The following KDM4C variants were observed in gnomAD, a reference collection of about 807,000 sequenced individuals.
KDM4C encodes lysine demethylase 4C, also known as lysine-specific demethylase 4C.
A neutral mutation model predicts 129.3 loss-of-function variants in KDM4C; 81 were observed. The ratio of observed to expected loss-of-function variants is 0.63; its 90% CI spans 0.52 to 0.75. KDM4C has a LOEUF of 0.75. Ranked by LOEUF, KDM4C falls within the 30% of genes least tolerant of loss-of-function variation. The pLI, the probability that KDM4C is intolerant of heterozygous loss-of-function variation, is 0.00. For synonymous variants in KDM4C, 573 were observed against 456.1 expected, an observed-to-expected ratio of 1.26 and a Z score of -3.26; for missense variants, 1,457 against 1,304.0, an observed-to-expected ratio of 1.12 and a Z score of -1.81.
chr9:7,069,938 A>G (rs1016691263), intron 17 of KDM4C, among the ~76,000 whole-genome samples: 1 of 152,246 alleles, frequency 6.6e-6, no homozygotes, highest in Non-Finnish European at 1.5e-5. Context: ...GTAATTGGGT[A>G]TTATAAAGTG....
rs542427807 is a variant in KDM4C, at chr9:7,156,544, G to C, written c.2782-8694G>C. ...TAATTTTTATATAAGGTGTAAGGAA[G>C]GGATCCAGTTTCAGCTTTCTACATA... On this transcript the variant is annotated intron_variant, in intron 19 of 21. Coordinates refer to ENST00000381309, the MANE Select transcript of KDM4C (RefSeq NM_015061.6). 5.4e-4 allele frequency among the ~76,000 whole-genome samples: 82 copies of C among 152,302 alleles called. 1 individual carries two copies. Among genetic ancestry groups the C allele is most frequent in the African/African-American group, 1.7e-3 (70 of 41,566 alleles).
chr9:6,966,575 G>C (rs1354915779), intron 8 of KDM4C, among the ~76,000 whole-genome samples: 1 of 152,226 alleles, frequency 6.6e-6, no homozygotes, highest in Non-Finnish European at 1.5e-5. Flanking sequence ...TCTGTTTGTA[G>C]ATATGATTGT....
intron 15 of KDM4C, among the ~76,000 whole-genome samples, chr9:7,040,796 T>C (rs1263085499): frequency 2.0e-5 from 3 of 151,948 alleles, no homozygotes; most frequent in African/African-American, 4.8e-5. Flanking sequence ...TTTTTTTTTC[T>C]CTGATTTTAA....
At chr9:7,050,442 C>CAAAAAAAAAA (rs71500910) in intron 17 of KDM4C, among the ~76,000 whole-genome samples, 80 of 78,192 alleles carry the variant, frequency 1.0e-3, no homozygotes, top group East Asian at 2.5e-3. Context: ...CCCAGATTAC[C>CAAAAAAAAAA]AAAAAAAAAA....
intron 5 of KDM4C, among the ~76,000 whole-genome samples, chr9:6,857,291 C>G (rs1471106410): frequency 2.6e-5 from 4 of 152,214 alleles, no homozygotes; most frequent in Middle Eastern, 3.4e-3. Context: ...CAAACAAAAA[C>G]AAACCCCAAA....
At chr9:7,122,968 C>T (rs1195849099) in intron 18 of KDM4C, among the ~76,000 whole-genome samples, 2 of 152,174 alleles carry the variant, frequency 1.3e-5, no homozygotes, top group African/African-American at 4.8e-5. Flanking sequence ...ACTTTTCTGA[C>T]AGGAAATATT....
intron 17 of KDM4C, among the ~76,000 whole-genome samples, chr9:7,069,216 A>G (rs1037837718): frequency 1.3e-5 from 2 of 152,196 alleles, no homozygotes; most frequent in East Asian, 3.9e-4. Flanking sequence ...TACCATTACA[A>G]CAGTGAAATG....
intron 17 of KDM4C, among the ~76,000 whole-genome samples, chr9:7,074,430 G>A (rs1475013498): frequency 6.6e-6 from 1 of 152,146 alleles, no homozygotes; most frequent in Non-Finnish European, 1.5e-5. Flanking sequence ...GTCTGCCAAA[G>A]TCCTGGGATT....
intron 1 of KDM4C, among the ~76,000 whole-genome samples, chr9:6,759,640 T>C (rs1425123141): frequency 6.6e-6 from 1 of 152,166 alleles, no homozygotes; most frequent in Non-Finnish European, 1.5e-5. Flanking sequence ...TAACAGACTT[T>C]AGTCAGTTGC....
At position 7,098,609 on chromosome 9, in the gene KDM4C, C is replaced by G. The variant is rs551428136; in HGVS notation, c.2425-5076C>G. The stretch of plus-strand genomic sequence containing the variant: ...CTGCCTCTCACAAAACAGCCCAAAC[C>G]CTGTGGTGTCAGTGCACTGGGGACT... On this transcript the variant is annotated intron_variant, in intron 17 of 21. Transcript: ENST00000381309. Among the ~76,000 whole-genome samples, 8 of 152,324 alleles carry G rather than the reference C, an allele frequency of 5.3e-5. No homozygotes were observed. The South Asian group carries it at 1.5e-3, about 28-fold the overall frequency.
rs147334438 is a variant in KDM4C, at chr9:6,954,508, G to C, written c.922-26417G>C. On this transcript the variant is annotated intron_variant, in intron 8 of 21. Coordinates refer to ENST00000381309, the MANE Select transcript of KDM4C (RefSeq NM_015061.6). ...AGTCTCAGACATGATCTTTTTATTT[G>C]TCTGTTCACGATGTGTTAGCCTGGG... is the stretch of plus-strand genomic sequence containing the variant. Among the ~76,000 whole-genome samples, 838 of 152,140 alleles carry C rather than the reference G, an allele frequency of 5.5e-3. 16 individuals carry two copies. Among genetic ancestry groups the C allele is most frequent in the African/African-American group, 0.02 (817 of 41,518 alleles).
chr9:7,151,505 A>G (rs781369906), intron 19 of KDM4C, among the ~76,000 whole-genome samples: 2 of 151,938 alleles, frequency 1.3e-5, no homozygotes, highest in African/African-American at 4.8e-5. Flanking sequence ...GCAAGACCTC[A>G]TCTCTACTTT....
intron 19 of KDM4C, among the ~76,000 whole-genome samples, chr9:7,149,736 G>T (rs1343018878): frequency 1.3e-5 from 2 of 152,234 alleles, no homozygotes; most frequent in African/African-American, 4.8e-5. Context: ...GGTGATTATG[G>T]TCGATGGTGG....
chr9:6,739,225 T>A lies in KDM4C; in HGVS notation c.49+18228T>A, dbSNP rs116783237. Reference sequence around the variant, plus strand: ...GTAGCTGGGATTACAGGCGCCCACATCCATGCCCAGCTAATTTTTGTATTT... The same window carrying A: ...GTAGCTGGGATTACAGGCGCCCACAACCATGCCCAGCTAATTTTTGTATTT... On this transcript the variant is annotated intron_variant, in intron 1 of 17. Transcript: ENST00000536108. Among the ~76,000 whole-genome samples, 1,445 of 151,904 alleles carry A rather than the reference T, an allele frequency of 9.5e-3. 21 individuals carry two copies. Among genetic ancestry groups the A allele is most frequent in the African/African-American group, 0.033 (1,375 of 41,430 alleles).
chr9:6,849,541 C>T lies in KDM4C; in HGVS notation c.470C>T (p.Thr157Ile), dbSNP rs768731300. ...GAATGGAACATAGCTCGCCTCAATA[C>T]AGTCTTGGATGTGGTTGAAGAAGAG... ...VDEWNIARLN[T>I]VLDVVEEECG... Residue 157 changes from threonine to isoleucine, a missense_variant, in exon 5 of 22, where the codon ACA (threonine) becomes ATA (isoleucine). Thr to Ile is a moderately conservative substitution (Grantham distance 89, BLOSUM62 -1). Transcript: ENST00000381309. The T allele has an allele frequency of 3.7e-6, 6 of 1,608,910 alleles. No individual in the cohort carries two copies. Among genetic ancestry groups the T allele is most frequent in the Non-Finnish European group, 1.7e-6 (2 of 1,176,318 alleles).
intron 4 of KDM4C, 52 bp downstream of exon 4, chr9:6,814,797 T>C (rs779979069): frequency 1.2e-5 from 14 of 1,184,528 alleles, no homozygotes; most frequent in Non-Finnish European, 1.6e-5. Flanking sequence ...TGTGACAGTT[T>C]TGTTACCATT....
chr9:6,752,088 C>G (rs1429292694), intron 1 of KDM4C, among the ~76,000 whole-genome samples: 2 of 150,474 alleles, frequency 1.3e-5, no homozygotes, highest in Non-Finnish European at 2.9e-5. Context: ...AATCCCAGCA[C>G]TTTGGGAGGC....
chr9:6,928,260 A>G (rs1823002711), intron 8 of KDM4C, among the ~76,000 whole-genome samples: 1 of 152,084 alleles, frequency 6.6e-6, no homozygotes, highest in South Asian at 2.1e-4. Context: ...AGCCTCCTTT[A>G]CCAGGCCTTC....
intron 2 of KDM4C, among the ~76,000 whole-genome samples, chr9:6,802,547 A>G (rs1277122451): frequency 6.6e-6 from 1 of 152,240 alleles, no homozygotes; most frequent in African/African-American, 2.4e-5. Flanking sequence ...TTATAAATAC[A>G]TAAATATTTA....
Sources: allele counts gnomAD v4.1 joint callset (sites outside exome capture counted in the v4.1 genomes callset), GRCh38; gene constraint gnomAD v4.1.1; transcripts MANE v1.5; gene names NCBI Gene and HGNC (gene_info 2026-07-23, HGNC 2026-07-21).